Variants in VPS16 observed in about 807,000 individuals in gnomAD.
VPS16 encodes vacuolar protein sorting-associated protein 16 homolog.
Under a neutral mutation model 116.0 loss-of-function variants are expected in VPS16, and 82 were observed. The observed-to-expected ratio is 0.71, with a 90% CI of 0.59 to 0.85. VPS16 has a LOEUF of 0.85. Among genes scored for constraint, VPS16 ranks in the 40% least tolerant of loss-of-function variants. The pLI, the probability that VPS16 is intolerant of heterozygous loss-of-function variation, is 0.00. For synonymous variants in VPS16, 406 were observed against 420.7 expected (o/e 0.96, Z 0.43); for missense variants, 928 against 1,090.6 (o/e 0.85, Z 2.10).
intron 1 of VPS16, among the ~76,000 whole-genome samples, chr20:2,849,014 G>C (rs138404034): frequency 2.1e-4 from 32 of 152,302 alleles, no homozygotes; most frequent in Admixed American, 3.9e-4. Context: ...CCCAAGTTAG[G>C]TTAGCAGGGC....
chr20:2,864,759 C>G lies in VPS16; in HGVS notation c.1926+105C>G. Reference sequence around the variant, plus strand: ...CCTTCGTGTTGGGTGCACACTCCATCTGGTCCTCACTGTGAGGGAGACTCT... The same window carrying G: ...CCTTCGTGTTGGGTGCACACTCCATGTGGTCCTCACTGTGAGGGAGACTCT... On this transcript the variant is annotated intron_variant, in intron 19 of 23. Transcript: ENST00000380445. The surrounding 1 kb of genome is among the most constrained non-coding windows in gnomAD (Gnocchi z 5.2). The G allele has an allele frequency of 4.0e-6, 5 of 1,261,206 alleles. No individual in the cohort carries two copies. The highest frequency in any genetic ancestry group is 5.7e-6 in the Non-Finnish European group (5 of 884,238). The allele number at this position is 1,261,206 out of a possible 1,614,324, so 78.1% of individuals were successfully genotyped here. A position where few individuals can be genotyped will look rare whatever the true frequency, so the allele number is the denominator to read the frequency against.
At chr20:2,851,179 A>AGCT (rs1189425984) in intron 1 of VPS16, among the ~76,000 whole-genome samples, 1 of 152,150 alleles carries the variant, frequency 6.6e-6, no homozygotes, top group Non-Finnish European at 1.5e-5. Flanking sequence ...AATATCAGAC[A>AGCT]AGCAAGAAGC....
At chr20:2,842,544 T>C (rs1029526065) in intron 1 of VPS16, among the ~76,000 whole-genome samples, 2 of 150,738 alleles carry the variant, frequency 1.3e-5, no homozygotes, top group African/African-American at 4.9e-5. Context: ...GAGGCGGAGG[T>C]TGCAGTGAGC....
At chr20:2,842,184 C>T (rs551450942) in intron 1 of VPS16, among the ~76,000 whole-genome samples, 82 of 152,222 alleles carry the variant, frequency 5.4e-4, no homozygotes, top group African/African-American at 1.9e-3. Context: ...TTCCTATAGT[C>T]CCAGGTACTG....
chr20:2,845,755 C>T (rs1186905749), intron 1 of VPS16, among the ~76,000 whole-genome samples: 1 of 152,100 alleles, frequency 6.6e-6, no homozygotes, highest in African/African-American at 2.4e-5. Flanking sequence ...TCTGTACCCT[C>T]AAACAACTCC....
At chr20:2,846,822 G>A (rs873711) in intron 1 of VPS16, among the ~76,000 whole-genome samples, 78,392 of 152,008 alleles carry the variant, frequency 0.52, 23,186 homozygotes, top group African/African-American at 0.8. Flanking sequence ...TTTCTTCACT[G>A]TTTCCAGCAG....
chr20:2,842,624 C>A (rs1172837222), intron 1 of VPS16, among the ~76,000 whole-genome samples: 13 of 120,678 alleles, frequency 1.1e-4, no homozygotes, highest in Non-Finnish European at 1.9e-4. Context: ...ATATATCTAT[C>A]TATATCTATC....
chr20:2,861,121 T>C (rs1283762975), intron 7 of VPS16, 29 bp downstream of exon 7: 1 of 1,614,230 alleles, frequency 6.2e-7, no homozygotes, highest in South Asian at 1.1e-5. Context: ...ACAGGGGTAC[T>C]GTGCCTTGTC....
At chr20:2,850,625 CAAAGAAAAGAA>C (rs950556829) in intron 1 of VPS16, among the ~76,000 whole-genome samples, 12 of 151,312 alleles carry the variant, frequency 7.9e-5, no homozygotes, top group African/African-American at 2.9e-4. Context: ...ACGCCATCTC[CAAAGAAAAGAA>C]AAAGAAAAAG....
intron 1 of VPS16, 80 bp from the exon 2 acceptor site, chr20:2,859,639 G>T: frequency 6.8e-7 from 1 of 1,468,790 alleles, no homozygotes; most frequent in Non-Finnish European, 9.5e-7. Context: ...ACAAATGGAG[G>T]CTTTAGGAAT....
In VPS16 at chr20:2,861,293, G is replaced by A; in HGVS notation, c.809+13G>A. On this transcript the variant is annotated intron_variant, in intron 8 of 23. Coordinates refer to ENST00000380445, the MANE Select transcript of VPS16 (RefSeq NM_022575.4). The stretch of plus-strand genomic sequence containing the variant: ...AGCAGATGGTCTGGTAAGGATGGGG[G>A]TGTTATTGCTGGGGGTGTGGGTGAG... 6.2e-7 allele frequency: 1 copy of A among 1,613,976 alleles called. No individual in the cohort carries two copies. Among genetic ancestry groups the A allele is most frequent in the South Asian group, 1.1e-5 (1 of 91,064 alleles).
intron 1 of VPS16, among the ~76,000 whole-genome samples, chr20:2,843,936 A>G (rs1270512562): frequency 1.3e-5 from 2 of 152,190 alleles, no homozygotes; most frequent in African/African-American, 2.4e-5. Flanking sequence ...TATGTACTAA[A>G]CATGCTAAGT....
At chr20:2,842,904 A>AGATGTATC (rs2089021076) in intron 1 of VPS16, among the ~76,000 whole-genome samples, 3 of 5,640 alleles carry the variant, frequency 5.3e-4, no homozygotes, top group Non-Finnish European at 7.7e-4. Context: ...ATAGATAGAT[A>AGATGTATC]TATGTTATGG....
At chr20:2,852,094 A>T (rs1490643336) in intron 1 of VPS16, among the ~76,000 whole-genome samples, 1 of 152,210 alleles carries the variant, frequency 6.6e-6, no homozygotes, top group Non-Finnish European at 1.5e-5. Context: ...TGGTGTGGGC[A>T]GGAAGCCTGG....
In VPS16 at chr20:2,840,835, G is replaced by GGGGCGC; in HGVS notation, c.53+8_53+9insGGGCGC. The GGGGCGC allele has an allele frequency of 6.6e-7, 1 of 1,524,324 alleles. No homozygotes were observed. Among genetic ancestry groups the GGGGCGC allele is most frequent in the Non-Finnish European group, 8.9e-7 (1 of 1,127,994 alleles). The allele number at this position is 1,524,324 out of a possible 1,614,324, so 94.4% of individuals were successfully genotyped here. A position where few individuals can be genotyped will look rare whatever the true frequency, so the allele number is the denominator to read the frequency against. ...GGACTCTGCCTTTTACCGGTGAGCT[G>GGGGCGC]CCCCGCCCTCCCGCCCACGGCCTGG... On this transcript the variant is annotated intron_variant, in intron 1 of 23. Transcript: ENST00000380445.
chr20:2,850,973 AAAAAAAAAAAG>A (rs2089114069), intron 1 of VPS16, among the ~76,000 whole-genome samples: 7 of 151,026 alleles, frequency 4.6e-5, no homozygotes, highest in African/African-American at 1.7e-4. Context: ...GTCAAAAAAA[AAAAAAAAAAAG>A]AAAAAGAATA....
chr20:2,854,266 A>ACACACACACACACACACACACAC (rs1568624871), intron 1 of VPS16, among the ~76,000 whole-genome samples: 1 of 61,970 alleles, frequency 1.6e-5, no homozygotes, highest in Non-Finnish European at 2.8e-5. Context: ...CACACACACA[A>ACACACACACACACACACACACAC]ATTTTTTAGC....
chr20:2,850,774 C>A (rs6115696), intron 1 of VPS16, among the ~76,000 whole-genome samples: 17,944 of 151,190 alleles, frequency 0.12, 1,342 homozygotes, highest in African/African-American at 0.19. Context: ...TTGAGACCAG[C>A]CTGGGCAACA....
In VPS16 at chr20:2,863,394, A is replaced by G. The variant is rs749922051; in HGVS notation, c.1472A>G (p.Tyr491Cys). ...AGGATCCTGGCCCACTGGGCCTGCT[A>G]CAAGGCAAGGATGTGGGATGGGGTC... ...VSRILAHWAC[Y>C]KVQQKDVSDE... is the part of the protein sequence containing the mutation. Residue 491 changes from tyrosine to cysteine, a missense_variant, in exon 15 of 24, where the codon TAC (tyrosine) becomes TGC (cysteine). By Grantham distance (194) the Tyr-to-Cys change is radical. Coordinates refer to ENST00000380445, the MANE Select transcript of VPS16 (RefSeq NM_022575.4). The surrounding 1 kb of genome is among the most constrained non-coding windows in gnomAD (Gnocchi z 4.4). 2 of 1,614,024 alleles carry G rather than the reference A, an allele frequency of 1.2e-6. No individual in the cohort carries two copies. Among genetic ancestry groups the G allele is most frequent in the South Asian group, 2.2e-5 (2 of 91,086 alleles).
Sources: allele counts gnomAD v4.1 joint callset (sites outside exome capture counted in the v4.1 genomes callset), GRCh38; gene constraint gnomAD v4.1.1; non-coding constraint Gnocchi (gnomAD v3.1); transcripts MANE v1.5; gene names NCBI Gene and HGNC (gene_info 2026-07-23, HGNC 2026-07-21).